The following PPP2R2B variants were observed in gnomAD, a reference collection of about 807,000 sequenced individuals.
PPP2R2B encodes the protein protein phosphatase 2 regulatory subunit Bbeta.
A neutral mutation model predicts 46.0 loss-of-function variants in PPP2R2B; 5 were observed. The observed-to-expected ratio is 0.11, with a 90% CI of 0.06 to 0.23. PPP2R2B has a LOEUF of 0.23. Among genes scored for constraint, PPP2R2B ranks in the 10% least tolerant of loss-of-function variants. The probability of loss-of-function intolerance (pLI) is 1.00; values close to 1 mark genes in which losing one functional copy is unlikely to be tolerated. For missense variants in PPP2R2B, 367 were observed against 575.0 expected, an observed-to-expected ratio of 0.64 and a Z score of 3.70; for synonymous variants, 215 against 206.7, an observed-to-expected ratio of 1.04 and a Z score of -0.34.
chr5:146,809,632 G>T (rs1372375472), intron 2 of PPP2R2B, among the ~76,000 whole-genome samples: 1 of 152,198 alleles, frequency 6.6e-6, no homozygotes, highest in Non-Finnish European at 1.5e-5. Flanking sequence ...AGCTTAGTAA[G>T]CAAGGAGTGG....
At chr5:147,052,297 C>T (rs1029146382) in intron 1 of PPP2R2B, among the ~76,000 whole-genome samples, 32 of 152,230 alleles carry the variant, frequency 2.1e-4, no homozygotes, top group Admixed American at 1.8e-3. Context: ...CATACAACAG[C>T]CTTGGTATTT....
intron 2 of PPP2R2B, among the ~76,000 whole-genome samples, chr5:147,064,639 C>T (rs1757365717): frequency 6.6e-6 from 1 of 152,158 alleles, no homozygotes; most frequent in Admixed American, 6.5e-5. Flanking sequence ...GTTTCCTCAC[C>T]TCATTCTCCC....
At chr5:146,945,429 A>G (rs1314925047) in intron 1 of PPP2R2B, among the ~76,000 whole-genome samples, 1 of 152,214 alleles carries the variant, frequency 6.6e-6, no homozygotes, top group East Asian at 1.9e-4. Context: ...TTTATCTTGG[A>G]AAGCAAATAC....
intron 5 of PPP2R2B, among the ~76,000 whole-genome samples, chr5:146,652,131 G>GT (rs887993660): frequency 3.9e-5 from 6 of 152,190 alleles, no homozygotes; most frequent in Non-Finnish European, 7.3e-5. Context: ...TATAGATTAA[G>GT]TGTGTGTGGC....
chr5:146,580,844 T>A lies in PPP2R2B; in HGVS notation c.*9103A>T, dbSNP rs1769861254. 6.6e-6 allele frequency among the ~76,000 whole-genome samples: 1 copy of A among 152,146 alleles called. No homozygotes were observed. The highest frequency in any genetic ancestry group is 6.5e-5 in the Admixed American group (1 of 15,272). ...AGTTTCTCTTGGGACACCGTGGGAT[T>A]CATTTGAGAACAATGGAGTTAATGA... On this transcript the variant is annotated 3_prime_UTR_variant, in exon 10 of 10. Coordinates refer to ENST00000394411, the MANE Select transcript of PPP2R2B (RefSeq NM_181675.4).
At chr5:146,832,818 G>A (rs1030612981) in intron 2 of PPP2R2B, among the ~76,000 whole-genome samples, 4 of 151,956 alleles carry the variant, frequency 2.6e-5, no homozygotes, top group African/African-American at 7.3e-5. Flanking sequence ...TTATAGTCCA[G>A]GAGCAATAGC....
At chr5:146,925,856 A>C (rs1274931833) in intron 1 of PPP2R2B, among the ~76,000 whole-genome samples, 1 of 151,912 alleles carries the variant, frequency 6.6e-6, no homozygotes, top group Non-Finnish European at 1.5e-5. Context: ...CATTCTCTAG[A>C]TTGAGTAATT....
At chr5:146,835,014 T>A (rs559594471) in intron 2 of PPP2R2B, among the ~76,000 whole-genome samples, 15 of 152,284 alleles carry the variant, frequency 9.9e-5, no homozygotes, top group African/African-American at 3.4e-4. Context: ...ATTTTGTTAG[T>A]CCAGTCCACC....
Position 147,079,382 on chromosome 5 carries a change from T to C in PPP2R2B, c.50+1677A>G, listed in dbSNP as rs532556483. ...ATATATATATATATATAATATGTGA[T>C]ATAAAATGGGATATATAATATATAT... On this transcript the variant is annotated intron_variant, in intron 2 of 10. Coordinates refer to the PPP2R2B transcript ENST00000394413. Among the ~76,000 whole-genome samples the C allele has an allele frequency of 5.4e-5, 8 of 147,144 alleles. No homozygotes were observed. In the East Asian group the frequency reaches 1.4e-3, roughly 25 times the overall value.
intron 2 of PPP2R2B, among the ~76,000 whole-genome samples, chr5:146,805,544 T>C (rs1262837278): frequency 1.3e-5 from 2 of 152,244 alleles, no homozygotes; most frequent in South Asian, 2.1e-4. Context: ...TCTAACATGC[T>C]TTAATTTTTG....
rs148564633 is a variant in PPP2R2B, at chr5:146,800,917, T to TACAC, written c.70+77081_70+77084dup. On this transcript the variant is annotated intron_variant, in intron 2 of 9. Transcript: ENST00000394411. ...GAAGAAAATGTGGGGTATGTGTACATACACACACACACACACACACACACA... is the reference window on the plus strand; with the variant it reads ...GAAGAAAATGTGGGGTATGTGTACATACACACACACACACACACACACACACACA... Among the ~76,000 whole-genome samples, 639 of 145,420 alleles carry TACAC rather than the reference T, an allele frequency of 4.4e-3. 2 individuals carry two copies. Among genetic ancestry groups the TACAC allele is most frequent in the Middle Eastern group, 0.018 (5 of 284 alleles).
At chr5:146,642,873 G>A (rs989593729) in intron 6 of PPP2R2B, among the ~76,000 whole-genome samples, 5 of 152,118 alleles carry the variant, frequency 3.3e-5, no homozygotes, top group Admixed American at 6.6e-5. Context: ...CCTGGGCAAC[G>A]TGGTGAAACC....
chr5:146,859,157 GA>G (rs1410555385), intron 2 of PPP2R2B, among the ~76,000 whole-genome samples: 1 of 152,110 alleles, frequency 6.6e-6, no homozygotes, highest in African/African-American at 2.4e-5. Flanking sequence ...TGTGATCATA[GA>G]CAAGTTGATT....
intron 3 of PPP2R2B, among the ~76,000 whole-genome samples, 173 bp from the exon 4 acceptor site, chr5:146,698,317 A>AAAAAAT (rs1250416449): frequency 8.1e-4 from 69 of 85,640 alleles, no homozygotes; most frequent in Non-Finnish European, 9.9e-4. Flanking sequence ...AAAAAAAAAA[A>AAAAAAT]ATATATATAT....
At chr5:146,882,079 C>T (rs1349097446), upstream of PPP2R2B, among the ~76,000 whole-genome samples, 1 of 151,908 alleles carries the variant, frequency 6.6e-6, no homozygotes, top group Non-Finnish European at 1.5e-5. Context: ...AGATCGAGGC[C>T]ATCCTGGCTA....
rs996822225 is a variant in PPP2R2B, at chr5:146,614,996, T to C, written c.791-14536A>G. On this transcript the variant is annotated intron_variant, in intron 7 of 9. Transcript: ENST00000394411. ...ATCCCATTTGACCCAGCCATCCCAT[T>C]ACTGGGTATATACCCAAATGACTAT... is the stretch of plus-strand genomic sequence containing the variant. Among the ~76,000 whole-genome samples the C allele has an allele frequency of 1.5e-4, 18 of 122,738 alleles. 3 individuals are homozygous for C. The highest frequency in any genetic ancestry group is 6.3e-4 in the African/African-American group (15 of 23,832). The allele number at this position is 122,738 out of a possible 152,430, so 80.5% of individuals were successfully genotyped here.
At chr5:146,952,627 T>C (rs2151836498) in intron 1 of PPP2R2B, among the ~76,000 whole-genome samples, 1 of 152,276 alleles carries the variant, frequency 6.6e-6, no homozygotes, top group Non-Finnish European at 1.5e-5. Context: ...CTGCCAACAA[T>C]GTCCTGTTTT....
At chr5:146,889,311 A>C (rs1762422183) in intron 1 of PPP2R2B, among the ~76,000 whole-genome samples, 1 of 152,174 alleles carries the variant, frequency 6.6e-6, no homozygotes, top group Non-Finnish European at 1.5e-5. Context: ...GACTGGCTCC[A>C]GTGGAACTTA....
intron 2 of PPP2R2B, among the ~76,000 whole-genome samples, chr5:146,847,435 C>G (rs1409432507): frequency 6.6e-6 from 1 of 152,166 alleles, no homozygotes; most frequent in Non-Finnish European, 1.5e-5. Flanking sequence ...GAACCCACAT[C>G]CATTACTCTC....
Sources: gnomAD v4.1 joint callset for allele counts (sites outside exome capture counted in the v4.1 genomes callset) on GRCh38, gnomAD v4.1.1 for gene constraint, MANE v1.5 for transcripts, NCBI Gene and HGNC (gene_info 2026-07-23, HGNC 2026-07-21) for gene names.